AFF3: variants seen among roughly 807,000 people sequenced by gnomAD.
The protein encoded by AFF3 is ALF transcription elongation factor 3.
A neutral mutation model predicts 129.7 loss-of-function variants in AFF3; 32 were observed. The observed-to-expected ratio is 0.25, with a 90% CI of 0.19 to 0.33. The LOEUF is 0.33. AFF3 is among the 10% of genes least tolerant of loss of function. The probability of loss-of-function intolerance (pLI) is 1.00; values close to 1 mark genes in which losing one functional copy is unlikely to be tolerated. For synonymous variants in AFF3, 644 were observed against 635.4 expected (o/e 1.01, Z -0.20); for missense variants, 1,373 against 1,592.0 (o/e 0.86, Z 2.34).
chr2:99,919,210 G>A (rs1353406972), intron 7 of AFF3, among the ~76,000 whole-genome samples: 2 of 152,110 alleles, frequency 1.3e-5, no homozygotes, highest in African/African-American at 2.4e-5. Flanking sequence ...TGATCCATGA[G>A]CATAAAACTA....
intron 7 of AFF3, chr2:100,006,113 T>C (rs984859117): frequency 5.2e-5 from 8 of 152,484 alleles, no homozygotes; most frequent in Admixed American, 3.9e-4. Context: ...CAAAGTTGAA[T>C]AATTTAAACA....
At chr2:99,915,039 G>A (rs1338747887) in intron 7 of AFF3, among the ~76,000 whole-genome samples, 1 of 152,136 alleles carries the variant, frequency 6.6e-6, no homozygotes, top group African/African-American at 2.4e-5. Flanking sequence ...AGGCAGGGTA[G>A]GGCAGGGCAA....
chr2:99,891,634 G>A (rs962766027), intron 7 of AFF3, among the ~76,000 whole-genome samples: 6 of 152,070 alleles, frequency 3.9e-5, no homozygotes, highest in Non-Finnish European at 8.8e-5. Flanking sequence ...GCTGCAGATG[G>A]ATGTTTCACC....
intron 7 of AFF3, among the ~76,000 whole-genome samples, chr2:99,973,374 G>C (rs75007790): frequency 4.6e-5 from 7 of 152,266 alleles, no homozygotes; most frequent in Admixed American, 2.0e-4. Flanking sequence ...ATTGTTTTAA[G>C]CAAGGTGGGA....
chr2:99,826,592 C>T (rs1320830181), intron 8 of AFF3, among the ~76,000 whole-genome samples: 2 of 151,876 alleles, frequency 1.3e-5, no homozygotes, highest in Non-Finnish European at 2.9e-5. Context: ...GAGCATGTGC[C>T]GGGGTGGGGA....
In AFF3 at chr2:99,937,101, A is replaced by AT. The variant is rs919044708; in HGVS notation, c.873+69530dup. ...GGACTGGAAGCATTTTGGATTTTGG[A>AT]TTTTTTTTTGAATATTTGCATTATA... On this transcript the variant is annotated intron_variant, in intron 7 of 24. Coordinates refer to ENST00000672756, the MANE Select transcript of AFF3 (RefSeq NM_001386135.1). Among the ~76,000 whole-genome samples, 233 of 151,822 alleles carry AT rather than the reference A, an allele frequency of 1.5e-3. 3 individuals carry two copies. Among genetic ancestry groups the AT allele is most frequent in the Middle Eastern group, 6.8e-3 (2 of 292 alleles).
chr2:99,564,667 C>T (rs1675800660), intron 20 of AFF3, among the ~76,000 whole-genome samples: 1 of 152,174 alleles, frequency 6.6e-6, no homozygotes, highest in Admixed American at 6.5e-5. Flanking sequence ...AAAAAGATCA[C>T]ATCCTAAGAT....
At chr2:99,917,390 CG>C (rs1039978748) in intron 7 of AFF3, among the ~76,000 whole-genome samples, 104 of 152,172 alleles carry the variant, frequency 6.8e-4, no homozygotes, top group African/African-American at 2.5e-3. Flanking sequence ...TAAGGGAGAT[CG>C]GGGAGTGGAT....
At chr2:99,907,526 T>C (rs1461075620) in intron 7 of AFF3, among the ~76,000 whole-genome samples, 1 of 151,978 alleles carries the variant, frequency 6.6e-6, no homozygotes, top group East Asian at 1.9e-4. Context: ...TTGTCTGCTG[T>C]GGAGCTTTTA....
chr2:100,011,539 G>C (rs1312016347), intron 4 of AFF3: 1 of 780,880 alleles, frequency 1.3e-6, no homozygotes, highest in Non-Finnish European at 2.4e-6. Context: ...CACAACTAGA[G>C]AGTCATTCCT....
At chr2:99,816,433 C>T (rs1687239258) in intron 8 of AFF3, among the ~76,000 whole-genome samples, 1 of 152,186 alleles carries the variant, frequency 6.6e-6, no homozygotes, top group African/African-American at 2.4e-5. Context: ...CCAAACATGT[C>T]ATCTAGGACA....
chr2:99,701,570 C>T (rs1676867315), intron 11 of AFF3, among the ~76,000 whole-genome samples: 1 of 152,200 alleles, frequency 6.6e-6, no homozygotes, highest in African/African-American at 2.4e-5. Context: ...ACTCTTCACC[C>T]AGCCTCTGCC....
Position 99,582,877 on chromosome 2 carries a change from T to G in AFF3, c.2714A>C (p.Asn905Thr). Reference protein sequence around the residue: ...DLTSSSRPNGNSLFTSASSSK... With the variant: ...DLTSSSRPNGTSLFTSASSSK... ...GGAAGAGGCTGAAGTAAACAAACTG[T>G]TGCCATTAGGTCGGCTGGAAGAAGT... Residue 905 changes from asparagine (N) to threonine (T), a missense_variant, in exon 17 of 25, where the codon AAC becomes ACC. Around this residue, in one of 9 missense-constraint regions of AFF3, gnomAD observed 466 missense variants for 505.0 expected, o/e 0.92. Transcript: ENST00000672756. 1 of 1,614,236 alleles carries G rather than the reference T, an allele frequency of 6.2e-7. No homozygotes were observed. The highest frequency in any genetic ancestry group is 2.2e-5 in the East Asian group (1 of 44,884).
chr2:100,131,109 GCTTACTAATCCTGGGAAA>G (rs1481213471), intron 1 of AFF3, among the ~76,000 whole-genome samples: 3 of 152,210 alleles, frequency 2.0e-5, no homozygotes, highest in African/African-American at 7.2e-5. Flanking sequence ...GAACGGGGCA[GCTTACTAATCCTGGGAAA>G]CTTACACCTG....
chr2:99,785,401 C>G (rs978339501), intron 8 of AFF3, among the ~76,000 whole-genome samples: 1 of 152,130 alleles, frequency 6.6e-6, no homozygotes, highest in African/African-American at 2.4e-5. Flanking sequence ...AGCGCTAGTT[C>G]GAAAATTATA....
intron 1 of AFF3, among the ~76,000 whole-genome samples, chr2:100,141,265 A>G (rs1692858309): frequency 6.6e-6 from 1 of 152,244 alleles, no homozygotes; most frequent in Non-Finnish European, 1.5e-5. Flanking sequence ...TGCAAATCAA[A>G]TATACATATG....
chr2:99,796,555 G>A (rs1685568869), intron 8 of AFF3, among the ~76,000 whole-genome samples: 1 of 152,136 alleles, frequency 6.6e-6, no homozygotes, highest in South Asian at 2.1e-4. Context: ...TATAGCACAG[G>A]GAGGGGAAAC....
chr2:99,918,638 A>C (rs1695645767), intron 7 of AFF3, among the ~76,000 whole-genome samples: 1 of 152,222 alleles, frequency 6.6e-6, no homozygotes, highest in Non-Finnish European at 1.5e-5. Context: ...TAACGCAAAT[A>C]GGTATTCAAT....
intron 13 of AFF3, among the ~76,000 whole-genome samples, chr2:99,636,676 T>A (rs1362029175): frequency 6.6e-6 from 1 of 152,144 alleles, no homozygotes. Context: ...CAGAGGCAGA[T>A]GCTGCATTCT....
Sources: allele counts gnomAD v4.1 joint callset (sites outside exome capture counted in the v4.1 genomes callset), GRCh38; gene constraint gnomAD v4.1.1; regional missense constraint gnomAD v4.1.1; transcripts MANE v1.5; gene names NCBI Gene and HGNC (gene_info 2026-07-23, HGNC 2026-07-21).